Variants in PTPRK observed in about 807,000 individuals in gnomAD.
PTPRK encodes the protein protein tyrosine phosphatase receptor type K.
A neutral mutation model predicts 178.0 loss-of-function variants in PTPRK; 75 were observed. The observed-to-expected ratio is 0.42, with a 90% confidence interval of 0.35 to 0.51. The LOEUF (loss-of-function observed/expected upper bound fraction) is 0.51. Ranked by LOEUF, PTPRK falls within the 20% of genes least tolerant of loss-of-function variation. The pLI is 0.02. For missense variants in PTPRK, 1,441 were observed against 1,797.8 expected (o/e 0.80, Z 3.59); for synonymous variants, 637 against 620.6 (o/e 1.03, Z -0.39).
At chr6:128,293,786 T>A (rs1052679592) in intron 3 of PTPRK, among the ~76,000 whole-genome samples, 1 of 152,088 alleles carries the variant, frequency 6.6e-6, no homozygotes, top group African/African-American at 2.4e-5. Flanking sequence ...TAAAACTAAC[T>A]GAGGAAAAGA....
At chr6:128,022,585 C>T (rs561426422) in intron 13 of PTPRK, among the ~76,000 whole-genome samples, 2 of 152,228 alleles carry the variant, frequency 1.3e-5, no homozygotes, top group East Asian at 3.9e-4. Context: ...TGTCAATGAC[C>T]CCCAGCTTAC....
intron 3 of PTPRK, among the ~76,000 whole-genome samples, chr6:128,318,655 G>A (rs992699862): frequency 4.6e-5 from 7 of 152,254 alleles, no homozygotes; most frequent in East Asian, 1.9e-4. Flanking sequence ...AGTTACATAC[G>A]TCTGCCTGCC....
chr6:128,148,114 CCA>C (rs1796747832), intron 7 of PTPRK, among the ~76,000 whole-genome samples: 1 of 152,086 alleles, frequency 6.6e-6, no homozygotes, highest in East Asian at 1.9e-4. Context: ...TTTGGTTGAA[CCA>C]CAGCATGTGA....
At chr6:128,009,475 A>T (rs571217092) in intron 13 of PTPRK, among the ~76,000 whole-genome samples, 253 of 151,246 alleles carry the variant, frequency 1.7e-3, no homozygotes, top group African/African-American at 5.8e-3. Context: ...AGGTTTTGTT[A>T]ACACAAAAAA....
chr6:127,977,016 G>T lies in PTPRK; in HGVS notation c.3750C>A (p.Tyr1250Ter). The T allele has an allele frequency of 6.2e-7, 1 of 1,614,010 alleles. No homozygotes were observed. The highest frequency in any genetic ancestry group is 8.5e-7 in the Non-Finnish European group (1 of 1,179,920). ...RQPAAFIVTQ[Y>*]PLPNTVKDFW... is the part of the protein sequence containing the mutation. ...AGTCTTTTACAGTGTTTGGCAGAGG[G>T]TATTGTGTGACGATGAAAGCAGCTG... is the stretch of plus-strand genomic sequence containing the variant. The change falls in exon 26 of 30, where the codon TAC becomes TAA. Residue 1250 changes from tyrosine to a stop codon, truncating the protein, a stop_gained. Transcript: ENST00000368226. LOFTEE classifies it high-confidence loss of function.
At chr6:128,033,672 G>A (rs1448446735) in intron 13 of PTPRK, among the ~76,000 whole-genome samples, 13 of 152,100 alleles carry the variant, frequency 8.5e-5, no homozygotes. Context: ...AGGAGTTTGA[G>A]ATCAGCCTGG....
intron 1 of PTPRK, among the ~76,000 whole-genome samples, chr6:128,428,104 A>G (rs1432660158): frequency 6.6e-6 from 1 of 152,174 alleles, no homozygotes; most frequent in East Asian, 1.9e-4. Flanking sequence ...AAAAAAAGAA[A>G]AAAAAAGTTT....
intron 7 of PTPRK, among the ~76,000 whole-genome samples, chr6:128,106,811 T>G (rs1789796967): frequency 6.6e-6 from 1 of 152,166 alleles, no homozygotes; most frequent in South Asian, 2.1e-4. Context: ...AAATGAGAGC[T>G]CAAGCACATT....
chr6:128,298,734 C>T (rs564768947), intron 3 of PTPRK, among the ~76,000 whole-genome samples: 2 of 152,048 alleles, frequency 1.3e-5, no homozygotes, highest in African/African-American at 2.4e-5. Context: ...ATAATAAGAG[C>T]TATCTATGAC....
At chr6:127,973,919 T>C in intron 27 of PTPRK, 92 bp from the exon 28 acceptor site, 1 of 1,265,782 alleles carries the variant, frequency 7.9e-7, no homozygotes, top group Non-Finnish European at 1.1e-6. Flanking sequence ...ACAAATGGCA[T>C]CTACACTGGA....
intron 1 of PTPRK, among the ~76,000 whole-genome samples, chr6:128,508,959 A>AAG (rs1554285815): frequency 6.9e-6 from 1 of 145,264 alleles, no homozygotes; most frequent in Admixed American, 6.7e-5. Flanking sequence ...AAAAAAAAAA[A>AAG]GAAAAGAAAA....
chr6:128,139,062 G>C (rs1001943794), intron 7 of PTPRK, among the ~76,000 whole-genome samples: 4 of 152,006 alleles, frequency 2.6e-5, no homozygotes, highest in Non-Finnish European at 4.4e-5. Flanking sequence ...GCAGCCTAGA[G>C]AAAAATAGCA....
At chr6:128,112,266 G>T (rs145867829) in intron 7 of PTPRK, among the ~76,000 whole-genome samples, 1 of 152,104 alleles carries the variant, frequency 6.6e-6, no homozygotes, top group African/African-American at 2.4e-5. Flanking sequence ...ACACTGCAGA[G>T]AAATTTAGTA....
chr6:127,990,200 T>C (rs1477642924), intron 21 of PTPRK, among the ~76,000 whole-genome samples: 1 of 152,064 alleles, frequency 6.6e-6, no homozygotes, highest in East Asian at 1.9e-4. Flanking sequence ...TCTGCCTTCA[T>C]TTTGTATTTC....
At chr6:128,412,682 A>C (rs1472545943) in intron 1 of PTPRK, among the ~76,000 whole-genome samples, 1 of 152,240 alleles carries the variant, frequency 6.6e-6, no homozygotes, top group Non-Finnish European at 1.5e-5. Flanking sequence ...ATTTTTGTAC[A>C]AACTATGGCC....
At chr6:128,263,402 T>A (rs1456575869) in intron 3 of PTPRK, among the ~76,000 whole-genome samples, 4 of 152,144 alleles carry the variant, frequency 2.6e-5, no homozygotes, top group African/African-American at 9.7e-5. Flanking sequence ...TCATGGTTTG[T>A]GGCACTTGTT....
chr6:128,456,565 C>A (rs1419443238), intron 1 of PTPRK, among the ~76,000 whole-genome samples: 1 of 151,546 alleles, frequency 6.6e-6, no homozygotes, highest in Non-Finnish European at 1.5e-5. Context: ...TTATGCAGTC[C>A]CTCAAGTATG....
chr6:128,076,925 C>G (rs1350676940), intron 11 of PTPRK, among the ~76,000 whole-genome samples: 2 of 151,906 alleles, frequency 1.3e-5, no homozygotes, highest in African/African-American at 4.8e-5. Context: ...TTTACAATAC[C>G]TTGCACAGTG....
chr6:128,394,973 G>A (rs193171840), intron 2 of PTPRK, among the ~76,000 whole-genome samples: 2 of 152,182 alleles, frequency 1.3e-5, no homozygotes, highest in African/African-American at 2.4e-5. Context: ...CTTTTATAGA[G>A]TTCCCAAACA....
Sources: allele counts gnomAD v4.1 joint callset (sites outside exome capture counted in the v4.1 genomes callset), GRCh38; gene constraint gnomAD v4.1.1; transcripts MANE v1.5; gene names NCBI Gene and HGNC (gene_info 2026-07-23, HGNC 2026-07-21).